NEMF: variants seen among roughly 807,000 people sequenced by gnomAD.
NEMF encodes the protein nuclear export mediator factor.
NEMF carries 89 observed loss-of-function variants against 162.2 expected under a neutral mutation model. That is an observed-to-expected ratio of 0.55 (90% confidence interval 0.46 to 0.65). The LOEUF (loss-of-function observed/expected upper bound fraction) is 0.65, where lower values mean the gene tolerates loss of function less well. Ranked by LOEUF, NEMF falls within the 30% of genes least tolerant of loss-of-function variation. The pLI, the probability that NEMF is intolerant of heterozygous loss-of-function variation, is 0.00. For missense variants in NEMF, 1,133 were observed against 1,261.9 expected (o/e 0.90, Z 1.55); for synonymous variants, 421 against 404.5 (o/e 1.04, Z -0.49).
intron 15 of NEMF, among the ~76,000 whole-genome samples, chr14:49,827,814 A>C (rs1436283841): frequency 7.1e-6 from 1 of 141,142 alleles, no homozygotes; most frequent in East Asian, 2.0e-4. Flanking sequence ...ACTCCATCGC[A>C]AAAAAAAAAA....
chr14:49,786,023 G>A (rs1890162251), intron 29 of NEMF: 1 of 152,470 alleles, frequency 6.6e-6, no homozygotes, highest in Non-Finnish European at 1.5e-5. Flanking sequence ...TAATACCTTG[G>A]CTATACCACT....
chr14:49,811,802 T>A lies in NEMF; in HGVS notation c.1744+2186A>T, dbSNP rs193020641. On this transcript the variant is annotated intron_variant, in intron 18 of 32. Transcript: ENST00000298310. ...TGAGATAAATTACGCTTTGTCATCG[T>A]ATATAGTCATTTTAATATGCTGCTA... Among the ~76,000 whole-genome samples, 10 of 152,348 alleles carry A rather than the reference T, an allele frequency of 6.6e-5. No individual in the cohort carries two copies. The East Asian group carries it at 1.7e-3, about 26-fold the overall frequency.
intron 16 of NEMF, chr14:49,820,089 C>T (rs1891926920): frequency 4.8e-6 from 1 of 207,766 alleles, no homozygotes; most frequent in African/African-American, 2.4e-5. Context: ...GTAGCTTGGT[C>T]TACAGGCACA....
rs1400613902 is a variant in NEMF at position 49,851,687 on chromosome 14, T to G, written c.129-22A>C. 3 of 1,601,722 alleles carry G rather than the reference T, an allele frequency of 1.9e-6. No homozygotes were observed. The Admixed American group carries it at 5.0e-5, about 27-fold the overall frequency. The stretch of plus-strand genomic sequence containing the variant: ...CGGTCTGTAGAAGAAAAAAGTCGAA[T>G]TTTTCTTTAGGGTATATGCCAAAGC... On this transcript the variant is annotated intron_variant, in intron 2 of 32. Transcript: ENST00000298310.
At chr14:49,823,568 G>A (rs967312364) in intron 16 of NEMF, among the ~76,000 whole-genome samples, 1 of 152,010 alleles carries the variant, frequency 6.6e-6, no homozygotes, top group Admixed American at 6.6e-5. Flanking sequence ...CAAAACGATA[G>A]ACTTGAAAAT....
intron 16 of NEMF, among the ~76,000 whole-genome samples, chr14:49,823,467 C>G (rs1294308407): frequency 1.3e-5 from 2 of 149,634 alleles, no homozygotes; most frequent in African/African-American, 4.9e-5. Context: ...AAAGAGAGTT[C>G]TTAAAATTAA....
intron 15 of NEMF, among the ~76,000 whole-genome samples, chr14:49,826,727 A>C (rs1451220380): frequency 3.9e-5 from 6 of 152,192 alleles, no homozygotes; most frequent in Non-Finnish European, 8.8e-5. Flanking sequence ...TGAACAACAC[A>C]AAGATTCTAC....
chr14:49,851,076 C>T (rs375870468), intron 3 of NEMF, among the ~76,000 whole-genome samples: 55 of 152,002 alleles, frequency 3.6e-4, no homozygotes, highest in Non-Finnish European at 1.9e-4. Context: ...TGGTGGCACA[C>T]GCCTGTAATC....
At position 49,833,351 on chromosome 14, in the gene NEMF, C is replaced by T. The variant is rs189208001; in HGVS notation, c.735+72G>A. On this transcript the variant is annotated intron_variant, in intron 8 of 32. Transcript: ENST00000298310. ...AAAATAAAATGTATATATAATGATC[C>T]TTTAATGAACGTTTAATTTCTGAAA... The T allele has an allele frequency of 1.8e-4, 151 of 846,482 alleles. No homozygotes were observed. The African/African-American group carries it at 2.1e-3, about 12-fold the overall frequency. 52.4% of individuals were successfully genotyped at this position (846,482 alleles called of 1,614,324 possible).
rs184340997 is a variant in NEMF, at chr14:49,825,386, T to C, written c.1577+481A>G. 3.9e-5 allele frequency among the ~76,000 whole-genome samples: 6 copies of C among 152,164 alleles called. No individual in the cohort carries two copies. In the South Asian group the frequency reaches 6.2e-4, roughly 16 times the overall value. ...TAAATAAAGGCAAATATCAAAAGAA[T>C]CAACTAAAAGAGCTAAAAGTGGTTT... On this transcript the variant is annotated intron_variant, in intron 16 of 32. Transcript: ENST00000298310.
chr14:49,829,017 G>A (rs1178059842), intron 13 of NEMF, 37 bp downstream of exon 13: 8 of 1,545,586 alleles, frequency 5.2e-6, no homozygotes, highest in Non-Finnish European at 7.1e-6. Flanking sequence ...ACAAAATAAA[G>A]ACAAGCATTA....
At position 49,844,733 on chromosome 14, in the gene NEMF, G is replaced by GCACACACA. The variant is rs1446050841; in HGVS notation, c.357+1406_357+1407insTGTGTGTG. ...TATACATACACACGCACGCGCACGC[G>GCACACACA]CGCGCACACACACACACACACACAC... On this transcript the variant is annotated intron_variant, in intron 4 of 32. Transcript: ENST00000298310. The GCACACACA allele has an allele frequency of 2.6e-3, 275 of 107,306 alleles. 1 individual carries two copies. The highest frequency in any genetic ancestry group is 9.5e-3 in the African/African-American group (242 of 25,416). 6.6% of individuals were successfully genotyped at this position (107,306 alleles called of 1,614,324 possible). A position where few individuals can be genotyped will look rare whatever the true frequency, so the allele number is the denominator to read the frequency against.
intron 18 of NEMF, among the ~76,000 whole-genome samples, chr14:49,806,758 G>C (rs965946598): frequency 6.6e-6 from 1 of 152,058 alleles, no homozygotes; most frequent in Non-Finnish European, 1.5e-5. Context: ...ATAATTTAGA[G>C]AAATCCATTT....
intron 26 of NEMF, among the ~76,000 whole-genome samples, chr14:49,793,721 G>A (rs1040801345): frequency 4.6e-5 from 7 of 151,944 alleles, no homozygotes; most frequent in Non-Finnish European, 8.8e-5. Context: ...CAACGTCCTC[G>A]TTGCGTACCC....
Position 49,838,139 on chromosome 14 carries a change from G to A in NEMF, c.574C>T (p.Pro192Ser), listed in dbSNP as rs1251760381. 8 of 1,606,864 alleles carry A rather than the reference G, an allele frequency of 5.0e-6. No individual in the cohort carries two copies. The highest frequency in any genetic ancestry group is 2.2e-5 in the South Asian group (2 of 90,446). ...CACTGCTATTTGCAGGAATACTCAC[G>A]AAGTAATGGGTTAAGCACCCTCTTC... ...LLKRVLNPLL[P>S]YGPALIEHCL... The change falls in exon 6 of 33, where the codon CCC becomes TCC. Residue 192 changes from proline (P) to serine (S), a missense_variant and splice_region_variant. By Grantham distance (74) the Pro-to-Ser change is moderately conservative. Coordinates refer to ENST00000298310, the MANE Select transcript of NEMF (RefSeq NM_004713.6).
At chr14:49,851,503 A>G in intron 3 of NEMF, 60 bp downstream of exon 3, 1 of 1,173,252 alleles carries the variant, frequency 8.5e-7, no homozygotes, top group Non-Finnish European at 1.3e-6. Context: ...AACCCCAATT[A>G]AAAACTTAAT....
At chr14:49,803,574 G>T (rs913563304) in intron 19 of NEMF, among the ~76,000 whole-genome samples, 9 of 147,130 alleles carry the variant, frequency 6.1e-5, no homozygotes, top group African/African-American at 2.0e-4. Flanking sequence ...TGCCCAAGCT[G>T]AAGTGCAGTG....
chr14:49,782,198 T>C lies in NEMF; in HGVS notation c.*2438A>G, dbSNP rs1207644023. On this transcript the variant is annotated 3_prime_UTR_variant, in exon 33 of 33. Coordinates refer to ENST00000298310, the MANE Select transcript of NEMF (RefSeq NM_004713.6). ...GAAAATAATATCCAGATAAAATAGATATTGATTGATCTGCTTTTGCTACTT... is the reference window on the plus strand; with the variant it reads ...GAAAATAATATCCAGATAAAATAGACATTGATTGATCTGCTTTTGCTACTT... 3 of 544,446 alleles carry C rather than the reference T, an allele frequency of 5.5e-6. No homozygotes were observed. The African/African-American group carries it at 5.8e-5, about 11-fold the overall frequency. The allele number at this position is 544,446 out of a possible 1,614,324, so 33.7% of individuals were successfully genotyped here.
At chr14:49,819,550 G>C (rs1341820304) in intron 16 of NEMF, among the ~76,000 whole-genome samples, 2 of 151,948 alleles carry the variant, frequency 1.3e-5, no homozygotes, top group African/African-American at 4.8e-5. Flanking sequence ...AAGTAGCTGG[G>C]ACTACAGGTG....
Sources: gnomAD v4.1 joint callset for allele counts (sites outside exome capture counted in the v4.1 genomes callset) on GRCh38, gnomAD v4.1.1 for gene constraint, MANE v1.5 for transcripts, NCBI Gene and HGNC (gene_info 2026-07-23, HGNC 2026-07-21) for gene names.